CD84: variants seen among roughly 807,000 people sequenced by gnomAD.
CD84 encodes SLAM family member 5.
Under a neutral mutation model 33.8 loss-of-function variants are expected in CD84, and 22 were observed. The observed-to-expected ratio is 0.65, with a 90% CI of 0.46 to 0.93. The LOEUF is 0.93. CD84 is among the 40% of genes least tolerant of loss of function. CD84 has a pLI of 0.00. For missense variants in CD84, 400 were observed against 397.6 expected, an observed-to-expected ratio of 1.01 and a Z score of -0.05; for synonymous variants, 154 against 145.2, an observed-to-expected ratio of 1.06 and a Z score of -0.44.
intron 5 of CD84, among the ~76,000 whole-genome samples, 172 bp from the exon 6 acceptor site, chr1:160,550,151 AG>A (rs2102126251): frequency 6.6e-6 from 1 of 151,450 alleles, no homozygotes; most frequent in African/African-American, 2.4e-5. Context: ...AGGATCAGGA[AG>A]GGATAAGGTG....
chr1:160,555,552 G>T (rs985536069), intron 2 of CD84, among the ~76,000 whole-genome samples: 20 of 152,248 alleles, frequency 1.3e-4, no homozygotes, highest in Non-Finnish European at 2.5e-4. Flanking sequence ...CTAGTAAAGG[G>T]TTACTAAAGA....
At position 160,548,242 on chromosome 1, in the gene CD84, T is replaced by A. The variant is rs1360082827; in HGVS notation, c.*14A>T. 1 of 1,613,892 alleles carries A rather than the reference T, an allele frequency of 6.2e-7. No individual in the cohort carries two copies. The highest frequency in any genetic ancestry group is 8.5e-7 in the Non-Finnish European group (1 of 1,179,926). On this transcript the variant is annotated 3_prime_UTR_variant, in exon 7 of 7. Coordinates refer to ENST00000368054, the MANE Select transcript of CD84 (RefSeq NM_003874.4). Reference sequence around the variant, plus strand: ...TGTAACTCAGTTTCCAGAGGGAGAATTCAGCCCAGCAGCCTAGATCACAAT... The same window carrying A: ...TGTAACTCAGTTTCCAGAGGGAGAAATCAGCCCAGCAGCCTAGATCACAAT...
Position 160,563,356 on chromosome 1 carries a change from T to C in CD84, c.388+2048A>G, listed in dbSNP as rs1283654328. 4.6e-5 allele frequency among the ~76,000 whole-genome samples: 7 copies of C among 152,086 alleles called. No individual in the cohort carries two copies. The East Asian group carries it at 1.2e-3, about 25-fold the overall frequency. On this transcript the variant is annotated intron_variant, in intron 2 of 6. Transcript: ENST00000368054. ...GATATGGAATCAACCCAAATGCCCA[T>C]CAATGATAGATTGGATAAAGAAAAT...
intron 5 of CD84, 148 bp downstream of exon 5, chr1:160,550,790 T>C: frequency 6.6e-7 from 1 of 1,507,416 alleles, no homozygotes; most frequent in South Asian, 1.3e-5. Flanking sequence ...GTGGCATCAC[T>C]TCCCTGACAT....
chr1:160,557,818 C>T (rs1284990968), intron 2 of CD84, among the ~76,000 whole-genome samples: 1 of 152,186 alleles, frequency 6.6e-6, no homozygotes, highest in Non-Finnish European at 1.5e-5. Flanking sequence ...TTCCAGCCTA[C>T]CAGCTTTGGA....
rs954697690 is a variant in CD84 at position 160,565,533 on chromosome 1, C to T, written c.259G>A (p.Ala87Thr). The change falls in exon 2 of 7, where the codon GCC becomes ACC. Residue 87 changes from alanine to threonine, a missense_variant. Coordinates refer to ENST00000368054, the MANE Select transcript of CD84 (RefSeq NM_003874.4). The stretch of plus-strand genomic sequence containing the variant: ...ACCAGATTGTAGTTCGGACCTAAGG[C>T]ATGTATCCGTTCATAATAATTTCTG... Reference protein sequence around the residue: ...THRNYYERIHALGPNYNLVIS... With the variant: ...THRNYYERIHTLGPNYNLVIS... 1 of 1,613,864 alleles carries T rather than the reference C, an allele frequency of 6.2e-7. No homozygotes were observed. Among genetic ancestry groups the T allele is most frequent in the African/African-American group, 1.3e-5 (1 of 74,892 alleles).
At position 160,544,081 on chromosome 1, in the gene CD84, TA is replaced by T. The variant is rs1571336909; in HGVS notation, c.*4174del. The T allele has an allele frequency of 6.6e-6, 1 of 151,998 alleles. No homozygotes were observed. The highest frequency in any genetic ancestry group is 1.9e-4 in the East Asian group (1 of 5,190). 9.4% of individuals were successfully genotyped at this position (151,998 alleles called of 1,614,324 possible). A position where few individuals can be genotyped will look rare whatever the true frequency, so the allele number is the denominator to read the frequency against. On this transcript the variant is annotated 3_prime_UTR_variant, in exon 7 of 7. Coordinates refer to ENST00000368054, the MANE Select transcript of CD84 (RefSeq NM_003874.4). ...AACCAGGATGCAGACCCAGGCACTC[TA>T]CTGTCAGAGCCCACATTTATGACCA...
At chr1:160,567,131 T>C (rs1657378741) in intron 1 of CD84, among the ~76,000 whole-genome samples, 1 of 152,190 alleles carries the variant, frequency 6.6e-6, no homozygotes, top group South Asian at 2.1e-4. Context: ...GTGTACTGGT[T>C]GCATGTAGGC....
rs1413487161 is a variant in CD84 at position 160,543,820 on chromosome 1, A to G, written c.*4436T>C. 6.6e-6 allele frequency: 1 copy of G among 152,174 alleles called. No homozygotes were observed. Among genetic ancestry groups the G allele is most frequent in the Non-Finnish European group, 1.5e-5 (1 of 68,026 alleles). 9.4% of individuals were successfully genotyped at this position (152,174 alleles called of 1,614,324 possible). On this transcript the variant is annotated 3_prime_UTR_variant, in exon 7 of 7. Coordinates refer to ENST00000368054, the MANE Select transcript of CD84 (RefSeq NM_003874.4). ...ATAATACTAGCAGCATTTCTGTTGT[A>G]AGAAGCTTATTTCATGAATTTAGAT...
chr1:160,548,400 A>T, intron 6 of CD84, 79 bp from the exon 7 acceptor site: 1 of 1,475,792 alleles, frequency 6.8e-7, no homozygotes, highest in South Asian at 1.1e-5. Flanking sequence ...TTCCCAGAGG[A>T]GTTAAGCAAA....
chr1:160,562,620 A>G (rs1449675906), intron 2 of CD84, among the ~76,000 whole-genome samples: 3 of 152,232 alleles, frequency 2.0e-5, no homozygotes, highest in Non-Finnish European at 4.4e-5. Context: ...TAAAAACCCT[A>G]TAAGAAAATC....
chr1:160,545,337 A>C lies in CD84; in HGVS notation c.*2919T>G, dbSNP rs1035585219. 2.6e-5 allele frequency: 4 copies of C among 152,260 alleles called. No homozygotes were observed. Among genetic ancestry groups the C allele is most frequent in the Non-Finnish European group, 4.4e-5 (3 of 68,058 alleles). 9.4% of individuals were successfully genotyped at this position (152,260 alleles called of 1,614,324 possible). A position where few individuals can be genotyped will look rare whatever the true frequency, so the allele number is the denominator to read the frequency against. On this transcript the variant is annotated 3_prime_UTR_variant, in exon 7 of 7. Transcript: ENST00000368054. ...GAAGAGGAAGAGGGCAAGTTAGAGA[A>C]TAAAGATGTTTGGGAATGAGTCTTC...
chr1:160,558,140 G>A (rs1167766260), intron 2 of CD84, among the ~76,000 whole-genome samples: 1 of 152,200 alleles, frequency 6.6e-6, no homozygotes, highest in Admixed American at 6.5e-5. Context: ...CAACCAGACT[G>A]ATTCTTTTTG....
intron 5 of CD84, 84 bp downstream of exon 5, chr1:160,550,854 A>G: frequency 6.3e-7 from 1 of 1,597,864 alleles, no homozygotes; most frequent in Non-Finnish European, 8.5e-7. Flanking sequence ...TTTCTAGACA[A>G]CAACAAGCAG....
chr1:160,569,315 C>T (rs1245726780), intron 1 of CD84, among the ~76,000 whole-genome samples: 1 of 152,110 alleles, frequency 6.6e-6, no homozygotes, highest in African/African-American at 2.4e-5. Context: ...CAATCAATCC[C>T]AATATTTATT....
chr1:160,563,033 CAAT>C (rs1253260941), intron 2 of CD84, among the ~76,000 whole-genome samples: 1 of 152,136 alleles, frequency 6.6e-6, no homozygotes, highest in Non-Finnish European at 1.5e-5. Flanking sequence ...ATCAAAACCA[CAAT>C]GAGATACCAT....
chr1:160,560,369 A>C (rs1304222303), intron 2 of CD84, among the ~76,000 whole-genome samples: 1 of 152,202 alleles, frequency 6.6e-6, no homozygotes, highest in Non-Finnish European at 1.5e-5. Context: ...ATTACATGGA[A>C]ATTCAACAAT....
At chr1:160,557,537 A>G (rs1656686267) in intron 2 of CD84, among the ~76,000 whole-genome samples, 1 of 152,234 alleles carries the variant, frequency 6.6e-6, no homozygotes, top group African/African-American at 2.4e-5. Context: ...GTTTTTCTGC[A>G]ATGAGGCAGA....
At chr1:160,572,350 G>A (rs1657741386) in intron 1 of CD84, among the ~76,000 whole-genome samples, 1 of 152,180 alleles carries the variant, frequency 6.6e-6, no homozygotes, top group Non-Finnish European at 1.5e-5. Context: ...GGAGGCAAGA[G>A]TGGGACCAGC....
Sources: gnomAD v4.1 joint callset for allele counts (sites outside exome capture counted in the v4.1 genomes callset) on GRCh38, gnomAD v4.1.1 for gene constraint, MANE v1.5 for transcripts, NCBI Gene and HGNC (gene_info 2026-07-23, HGNC 2026-07-21) for gene names.